ITGA8: variants seen among roughly 807,000 people sequenced by gnomAD.
The protein encoded by ITGA8 is integrin alpha-8.
Under a neutral mutation model 142.3 loss-of-function variants are expected in ITGA8, and 91 were observed. The observed-to-expected ratio is 0.64, with a 90% CI of 0.54 to 0.76. ITGA8 has a LOEUF of 0.76. Among genes scored for constraint, ITGA8 ranks in the 30% least tolerant of loss-of-function variants. The pLI, the probability that ITGA8 is intolerant of heterozygous loss-of-function variation, is 0.00. For missense variants in ITGA8, 1,406 were observed against 1,327.7 expected, an observed-to-expected ratio of 1.06 and a Z score of -0.92; for synonymous variants, 505 against 485.2, an observed-to-expected ratio of 1.04 and a Z score of -0.54.
intron 12 of ITGA8, among the ~76,000 whole-genome samples, chr10:15,645,962 A>G (rs527685448): frequency 3.5e-4 from 53 of 152,328 alleles, no homozygotes; most frequent in African/African-American, 1.2e-3. Context: ...CCTACGTGCC[A>G]ATTAAAATTC....
chr10:15,714,519 G>C (rs1835416413), intron 2 of ITGA8, among the ~76,000 whole-genome samples: 1 of 152,110 alleles, frequency 6.6e-6, no homozygotes, highest in African/African-American at 2.4e-5. Context: ...CCTTGATTCT[G>C]TACAGAGCAG....
chr10:15,613,836 C>A, intron 14 of ITGA8, 69 bp from the exon 15 acceptor site: 1 of 1,013,894 alleles, frequency 9.9e-7, no homozygotes, highest in South Asian at 1.3e-5. Context: ...AAGCCCACTT[C>A]ACTGCATACT....
chr10:15,551,645 T>C (rs571943989), intron 26 of ITGA8, among the ~76,000 whole-genome samples: 1 of 152,176 alleles, frequency 6.6e-6, no homozygotes, highest in African/African-American at 2.4e-5. Flanking sequence ...CCTGTGCAAA[T>C]TGGAAATTTT....
intron 24 of ITGA8, among the ~76,000 whole-genome samples, chr10:15,573,900 C>T (rs1834234945): frequency 1.3e-5 from 2 of 151,752 alleles, no homozygotes; most frequent in Non-Finnish European, 2.9e-5. Context: ...AAAGCAAAAA[C>T]AGAGCAAAAC....
rs1387516171 is a variant in ITGA8, at chr10:15,679,254, C to G, written c.569-471G>C. On this transcript the variant is annotated intron_variant, in intron 4 of 29. Coordinates refer to ENST00000378076, the MANE Select transcript of ITGA8 (RefSeq NM_003638.3). ...TCTTCTGGGCCACCAATAAGCATTT[C>G]CACTGTTACGCTCTTTAAGAGGAAC... 2.6e-5 allele frequency among the ~76,000 whole-genome samples: 4 copies of G among 152,158 alleles called. No homozygotes were observed. The East Asian group carries it at 7.7e-4, about 29-fold the overall frequency.
rs1162321747 is a variant in ITGA8 at position 15,533,118 on chromosome 10, G to T, written c.2881-1967C>A. ...TCTATAATCCAATGTTGGGCCTCATGAGTCCAATAATTTTCCTTAAATATT... is the reference window on the plus strand; with the variant it reads ...TCTATAATCCAATGTTGGGCCTCATTAGTCCAATAATTTTCCTTAAATATT... On this transcript the variant is annotated intron_variant, in intron 27 of 29. Transcript: ENST00000378076. Among the ~76,000 whole-genome samples, 7 of 152,162 alleles carry T rather than the reference G, an allele frequency of 4.6e-5. No homozygotes were observed. The East Asian group carries it at 1.3e-3, about 29-fold the overall frequency.
intron 13 of ITGA8, among the ~76,000 whole-genome samples, chr10:15,634,784 G>A (rs1323826564): frequency 1.3e-5 from 2 of 151,838 alleles, no homozygotes; most frequent in Non-Finnish European, 2.9e-5. Flanking sequence ...AACTGTAGAG[G>A]GACAAATGGT....
chr10:15,542,946 A>G (rs1472392076), intron 27 of ITGA8, among the ~76,000 whole-genome samples: 3 of 152,312 alleles, frequency 2.0e-5, no homozygotes, highest in Non-Finnish European at 4.4e-5. Context: ...CTGTTCCTTA[A>G]GCGTAAAGAG....
chr10:15,563,856 G>T (rs563094306), intron 25 of ITGA8, among the ~76,000 whole-genome samples: 1 of 152,070 alleles, frequency 6.6e-6, no homozygotes, highest in South Asian at 2.1e-4. Flanking sequence ...GGCAGAGGCT[G>T]CCATGAGCCA....
intron 25 of ITGA8, among the ~76,000 whole-genome samples, chr10:15,564,841 T>C (rs763929133): frequency 6.6e-6 from 1 of 152,268 alleles, no homozygotes; most frequent in African/African-American, 2.4e-5. Context: ...ACAACTCTCA[T>C]GTACTTTGCC....
Position 15,535,212 on chromosome 10 carries a change from C to T in ITGA8, c.2881-4061G>A, listed in dbSNP as rs1026952642. Among the ~76,000 whole-genome samples, 3 of 152,122 alleles carry T rather than the reference C, an allele frequency of 2.0e-5. No homozygotes were observed. The East Asian group carries it at 5.8e-4, about 29-fold the overall frequency. ...GACCTGCAGCCCGCCATGCCTGAGC[C>T]TCCCCCCACCCTCCGTGGGCTCCTG... On this transcript the variant is annotated intron_variant, in intron 27 of 29. Coordinates refer to ENST00000378076, the MANE Select transcript of ITGA8 (RefSeq NM_003638.3).
At chr10:15,670,333 G>T (rs766004342) in intron 8 of ITGA8, among the ~76,000 whole-genome samples, 6 of 152,136 alleles carry the variant, frequency 3.9e-5, no homozygotes, top group Non-Finnish European at 7.3e-5. Flanking sequence ...GCAATCTTCA[G>T]AACATTATTT....
chr10:15,677,620 C>T lies in ITGA8; in HGVS notation c.648G>A (p.Val216=). ...LDFYKNGDLI[V]GGPGSFYWQG... ...GCCAGTAGAAACTCCCAGGTCCTCC[C>T]ACAATAAGGTCTCCATTCTACAAAA... Residue 216 remains valine (V), a synonymous_variant, in exon 6 of 30, where the codon GTG becomes GTA. Coordinates refer to ENST00000378076, the MANE Select transcript of ITGA8 (RefSeq NM_003638.3). 1 of 1,613,420 alleles carries T rather than the reference C, an allele frequency of 6.2e-7. No homozygotes were observed. The highest frequency in any genetic ancestry group is 1.3e-5 in the African/African-American group (1 of 75,004).
chr10:15,573,083 T>C (rs1212867149), intron 24 of ITGA8, among the ~76,000 whole-genome samples: 1 of 152,260 alleles, frequency 6.6e-6, no homozygotes, highest in Non-Finnish European at 1.5e-5. Context: ...TTTTTCTTTT[T>C]TTCTCAGTTC....
intron 26 of ITGA8, among the ~76,000 whole-genome samples, chr10:15,549,990 C>A (rs1397270670): frequency 2.0e-5 from 3 of 152,240 alleles, no homozygotes; most frequent in Middle Eastern, 3.4e-3. Flanking sequence ...ATGTCCCCAC[C>A]CAAATCTCAT....
intron 6 of ITGA8, among the ~76,000 whole-genome samples, chr10:15,676,103 T>A (rs1213559090): frequency 6.6e-6 from 1 of 152,138 alleles, no homozygotes; most frequent in Non-Finnish European, 1.5e-5. Flanking sequence ...AAGCTCTTCT[T>A]CCCTCACTCT....
chr10:15,520,524 T>C (rs1374637889), intron 28 of ITGA8, among the ~76,000 whole-genome samples: 1 of 152,172 alleles, frequency 6.6e-6, no homozygotes, highest in Non-Finnish European at 1.5e-5. Flanking sequence ...ACCTTCCCAA[T>C]CTGACTGCAT....
intron 26 of ITGA8, among the ~76,000 whole-genome samples, chr10:15,556,920 T>G (rs1001586379): frequency 6.6e-6 from 1 of 152,228 alleles, no homozygotes; most frequent in Non-Finnish European, 1.5e-5. Flanking sequence ...CTGGAGAATG[T>G]GCATGCAGCT....
chr10:15,537,267 A>G (rs1177496740), intron 27 of ITGA8, among the ~76,000 whole-genome samples: 1 of 152,218 alleles, frequency 6.6e-6, no homozygotes, highest in African/African-American at 2.4e-5. Flanking sequence ...AATAGGCCCC[A>G]ATGTACAGTG....
Sources: allele counts gnomAD v4.1 joint callset (sites outside exome capture counted in the v4.1 genomes callset), GRCh38; gene constraint gnomAD v4.1.1; transcripts MANE v1.5; gene names NCBI Gene and HGNC (gene_info 2026-07-23, HGNC 2026-07-21).